NCF4: variants seen among roughly 807,000 people sequenced by gnomAD.
NCF4 encodes the protein neutrophil cytosolic factor 4, also known as neutrophil cytosol factor 4.
Under a neutral mutation model 41.7 loss-of-function variants are expected in NCF4, and 30 were observed. That is an observed-to-expected ratio of 0.72 (90% confidence interval 0.54 to 0.97). The LOEUF (loss-of-function observed/expected upper bound fraction) is 0.97. Among genes scored for constraint, NCF4 ranks in the 50% least tolerant of loss-of-function variants. NCF4 has a pLI of 0.00. For synonymous variants in NCF4, 195 were observed against 175.8 expected, an observed-to-expected ratio of 1.11 and a Z score of -0.87; for missense variants, 432 against 460.9, an observed-to-expected ratio of 0.94 and a Z score of 0.57.
Position 36,876,020 on chromosome 22 carries a change from C to T in NCF4, c.759-9C>T, listed in dbSNP as rs770665668. 1.2e-6 allele frequency: 2 copies of T among 1,614,022 alleles called. No individual in the cohort carries two copies. The highest frequency in any genetic ancestry group is 1.7e-6 in the Non-Finnish European group (2 of 1,179,936). ...GATGCCTCCTTACTCCAGCCTGTCA[C>T]CCCCTTAGGGACATCGCGGTGGAGG... is the stretch of plus-strand genomic sequence containing the variant. On this transcript the variant is annotated splice_polypyrimidine_tract_variant and intron_variant, in intron 8 of 9. Transcript: ENST00000248899.
intron 1 of NCF4, 68 bp downstream of exon 1, chr22:36,861,271 C>G: frequency 6.6e-7 from 1 of 1,518,712 alleles, no homozygotes; most frequent in Non-Finnish European, 9.0e-7. Flanking sequence ...GGACAAAGGC[C>G]AGTCCTTCTG....
At chr22:36,877,521 G>A (rs952265752) in intron 9 of NCF4, 107 bp from the exon 10 acceptor site, 3 of 1,185,128 alleles carry the variant, frequency 2.5e-6, no homozygotes, top group Non-Finnish European at 3.7e-6. Context: ...ATCAGGCTCT[G>A]ACTTTTTCTT....
chr22:36,861,449 C>T (rs966959397), intron 1 of NCF4, among the ~76,000 whole-genome samples: 12 of 152,352 alleles, frequency 7.9e-5, no homozygotes, highest in Non-Finnish European at 1.5e-4. Flanking sequence ...CACGGTCACA[C>T]AACGAGTGAC....
intron 7 of NCF4, among the ~76,000 whole-genome samples, 164 bp downstream of exon 7, chr22:36,872,589 GGAGGTGAGAT>G (rs1178783689): frequency 5.3e-5 from 8 of 150,866 alleles, no homozygotes; most frequent in Non-Finnish European, 7.4e-5. Context: ...AGGTGAGGAT[GGAGGTGAGAT>G]TGGAGGTGAG....
In NCF4 at chr22:36,865,157, C is replaced by T. The variant is rs1939898272; in HGVS notation, c.271+85C>T. On this transcript the variant is annotated intron_variant, in intron 3 of 9. Transcript: ENST00000248899. The surrounding 1 kb of genome is among the most constrained non-coding windows in gnomAD (Gnocchi z 4.3). Reference sequence around the variant, plus strand: ...CCCTGACACTGTTCTGTGATTTGATCTCAACCCCAGTGAAAACTGTTCATG... The same window carrying T: ...CCCTGACACTGTTCTGTGATTTGATTTCAACCCCAGTGAAAACTGTTCATG... The T allele has an allele frequency of 6.4e-7, 1 of 1,564,110 alleles. No individual in the cohort carries two copies. The highest frequency in any genetic ancestry group is 1.7e-5 in the Admixed American group (1 of 58,340).
rs575470394 is a variant in NCF4, at chr22:36,864,070, G to A, written c.58G>A (p.Val20Ile). Reference protein sequence around the residue: ...ESDFEQLPDDVAISANIADIE... With the variant: ...ESDFEQLPDDIAISANIADIE... ...TGACTTTGAACAGCTTCCGGATGAT[G>A]TTGCCATCTCGGCCAACATTGCTGA... The change falls in exon 2 of 10, where the codon GTT (valine) becomes ATT (isoleucine). Residue 20 changes from valine to isoleucine, a missense_variant. Coordinates refer to ENST00000248899, the MANE Select transcript of NCF4 (RefSeq NM_000631.5). 2.2e-5 allele frequency: 35 copies of A among 1,614,188 alleles called. No homozygotes were observed. The Middle Eastern group carries it at 4.9e-4, about 23-fold the overall frequency.
intron 1 of NCF4, 31 bp downstream of exon 1, chr22:36,861,234 C>G (rs769723907): frequency 4.2e-5 from 65 of 1,550,610 alleles, no homozygotes; most frequent in Non-Finnish European, 5.6e-5. Context: ...GCCCCCGGGC[C>G]TTCTCACTGC....
chr22:36,868,511 G>A (rs1274869770), intron 4 of NCF4, among the ~76,000 whole-genome samples: 5 of 152,206 alleles, frequency 3.3e-5, no homozygotes, highest in African/African-American at 1.2e-4. Flanking sequence ...GGAGGTGGGA[G>A]GAAGGAGGAG....
At chr22:36,873,044 A>ATGGAGGTGAGATTGGAGGTAAGGT (rs1940114831) in intron 7 of NCF4, among the ~76,000 whole-genome samples, 1 of 100,998 alleles carries the variant, frequency 9.9e-6, no homozygotes, top group Non-Finnish European at 2.0e-5. Context: ...GGAGGTGAGG[A>ATGGAGGTGAGATTGGAGGTAAGGT]TGGAGGTGAG....
intron 6 of NCF4, among the ~76,000 whole-genome samples, chr22:36,871,946 C>G (rs149517831): frequency 1.3e-5 from 2 of 152,260 alleles, no homozygotes; most frequent in Non-Finnish European, 2.9e-5. Context: ...TCCATCCCTA[C>G]GCTCATCCGG....
intron 9 of NCF4, among the ~76,000 whole-genome samples, chr22:36,877,003 T>G (rs1330392049): frequency 7.1e-6 from 1 of 140,984 alleles, no homozygotes; most frequent in Non-Finnish European, 1.5e-5. Flanking sequence ...CACACAGGTG[T>G]CTCTCTGAGG....
In NCF4 at chr22:36,865,015, C is replaced by T. The variant is rs750577331; in HGVS notation, c.214C>T (p.Arg72Cys). 21 of 1,613,740 alleles carry T rather than the reference C, an allele frequency of 1.3e-5. No homozygotes were observed. Among genetic ancestry groups the T allele is most frequent in the East Asian group, 4.5e-5 (2 of 44,874 alleles). Reference protein sequence around the residue: ...FHALQSKLEERFGPDSKSSAL... With the variant: ...FHALQSKLEECFGPDSKSSAL... ...TGCTTTGCAGAGCAAGCTGGAGGAG[C>T]GCTTCGGGCCAGACAGCAAGAGCAG... The change falls in exon 3 of 10, where the codon CGC becomes TGC. Residue 72 changes from arginine to cysteine, a missense_variant. By Grantham distance (180) the Arg-to-Cys change is radical. Transcript: ENST00000248899. The surrounding 1 kb of genome is among the most constrained non-coding windows in gnomAD (Gnocchi z 4.3).
In NCF4 at chr22:36,862,947, C is replaced by A. The variant is rs536353778; in HGVS notation, c.33-1098C>A. 1.1e-3 allele frequency among the ~76,000 whole-genome samples: 170 copies of A among 152,238 alleles called. 1 individual carries two copies. The South Asian group carries it at 0.032, about 29-fold the overall frequency. Reference sequence around the variant, plus strand: ...CCCCCAGGGCAGGCTCCAAAACCTCCCCCAGGCCAGGCTCCAAAGTCTGTG... The same window carrying A: ...CCCCCAGGGCAGGCTCCAAAACCTCACCCAGGCCAGGCTCCAAAGTCTGTG... On this transcript the variant is annotated intron_variant, in intron 1 of 9. Coordinates refer to ENST00000248899, the MANE Select transcript of NCF4 (RefSeq NM_000631.5).
At chr22:36,866,869 C>A (rs979545648) in intron 3 of NCF4, among the ~76,000 whole-genome samples, 3 of 152,194 alleles carry the variant, frequency 2.0e-5, no homozygotes, top group African/African-American at 7.2e-5. Flanking sequence ...TGATTCTAGA[C>A]CCATGGTTCT....
At chr22:36,868,512 G>A (rs970604456) in intron 4 of NCF4, among the ~76,000 whole-genome samples, 1 of 152,170 alleles carries the variant, frequency 6.6e-6, no homozygotes, top group Non-Finnish European at 1.5e-5. Context: ...GAGGTGGGAG[G>A]AAGGAGGAGA....
chr22:36,870,671 T>C (rs1004495399), intron 5 of NCF4, 129 bp downstream of exon 5: 87 of 1,312,188 alleles, frequency 6.6e-5, no homozygotes, highest in Non-Finnish European at 7.6e-5. Flanking sequence ...CCAGGATGAT[T>C]TGATTTATTA....
In NCF4 at chr22:36,871,670, G is replaced by A. The variant is rs1041770742; in HGVS notation, c.489G>A (p.Gln163=). 1.3e-6 allele frequency: 2 copies of A among 1,571,226 alleles called. No homozygotes were observed. The highest frequency in any genetic ancestry group is 1.9e-5 in the Admixed American group (1 of 53,838). ...RTRKVKSVSP[Q]GNSVDRMAAP... is the part of the protein sequence containing the mutation. ...TCCACAGCAAGAGCGTGTCCCCACA[G>A]GGCAACAGCGTTGACCGCATGGCAG... Residue 163 remains glutamine (Q), a synonymous_variant, in exon 6 of 10, where the codon CAG becomes CAA. Transcript: ENST00000248899.
chr22:36,877,996 A>G lies in NCF4; in HGVS notation c.*173A>G, dbSNP rs1202748754. 1 of 676,316 alleles carries G rather than the reference A, an allele frequency of 1.5e-6. No individual in the cohort carries two copies. 41.9% of individuals were successfully genotyped at this position (676,316 alleles called of 1,614,324 possible). ...TACTATTTACATCTGATTTAAATAA[A>G]CCATTCCATCTGAAAGGGGCAGGCT... On this transcript the variant is annotated 3_prime_UTR_variant, in exon 10 of 10. Coordinates refer to ENST00000248899, the MANE Select transcript of NCF4 (RefSeq NM_000631.5).
intron 1 of NCF4, among the ~76,000 whole-genome samples, chr22:36,863,152 G>A (rs866543288): frequency 2.0e-5 from 3 of 152,180 alleles, no homozygotes; most frequent in African/African-American, 7.2e-5. Flanking sequence ...TGCAGACGAC[G>A]GTAGTGGCCG....
Sources: gnomAD v4.1 joint callset for allele counts (sites outside exome capture counted in the v4.1 genomes callset) on GRCh38, gnomAD v4.1.1 for gene constraint, Gnocchi (gnomAD v3.1) non-coding constraint, MANE v1.5 for transcripts, NCBI Gene and HGNC (gene_info 2026-07-23, HGNC 2026-07-21) for gene names.